The following BAIAP2L1 variants were observed in gnomAD, a reference collection of about 807,000 sequenced individuals.
BAIAP2L1 encodes BAR/IMD domain-containing adapter protein 2-like 1.
In BAIAP2L1, 35 loss-of-function variants were observed where a neutral mutation model predicts 66.3. That is an observed-to-expected ratio of 0.53 (90% CI 0.40 to 0.70). The LOEUF (loss-of-function observed/expected upper bound fraction) is 0.70. BAIAP2L1 is among the 30% of genes least tolerant of loss of function. The pLI is 0.00. For synonymous variants in BAIAP2L1, 269 were observed against 248.7 expected (o/e 1.08, Z -0.77); for missense variants, 622 against 656.9 (o/e 0.95, Z 0.58).
chr7:98,380,040 C>A (rs1467909117), intron 1 of BAIAP2L1, among the ~76,000 whole-genome samples: 2 of 150,932 alleles, frequency 1.3e-5, no homozygotes, highest in Admixed American at 6.6e-5. Flanking sequence ...GCTTAAAATG[C>A]GTGAATTTTA....
At chr7:98,332,382 C>CAAAAAAAAAAAAAAAA (rs55987839) in intron 3 of BAIAP2L1, among the ~76,000 whole-genome samples, 1 of 27,752 alleles carries the variant, frequency 3.6e-5, no homozygotes, top group African/African-American at 1.7e-4. Flanking sequence ...GACTCCATCT[C>CAAAAAAAAAAAAAAAA]AAAAAAAAAA....
intron 1 of BAIAP2L1, among the ~76,000 whole-genome samples, chr7:98,385,248 C>T (rs192349013): frequency 3.0e-3 from 457 of 151,616 alleles, no homozygotes; most frequent in Admixed American, 5.1e-3. Flanking sequence ...GCGGAGGCTG[C>T]AGTGAGCCAA....
At chr7:98,354,971 A>G (rs1460681500) in intron 3 of BAIAP2L1, 71 bp downstream of exon 3, 2 of 1,142,898 alleles carry the variant, frequency 1.7e-6, no homozygotes, top group Admixed American at 3.4e-5. Flanking sequence ...GGACTGGGCC[A>G]TCCCACGCGT....
chr7:98,323,082 G>A (rs1260188923), intron 3 of BAIAP2L1: 1 of 152,190 alleles, frequency 6.6e-6, no homozygotes, highest in Non-Finnish European at 1.5e-5. Flanking sequence ...CAGCACTCAG[G>A]GCTCCACCCT....
intron 3 of BAIAP2L1, among the ~76,000 whole-genome samples, chr7:98,335,212 A>C (rs1801589158): frequency 6.6e-6 from 1 of 151,012 alleles, no homozygotes; most frequent in African/African-American, 2.4e-5. Flanking sequence ...ATGAGCCCTA[A>C]ATCCCAGGTC....
Position 98,400,803 on chromosome 7 carries a change from C to T in BAIAP2L1, c.50G>A (p.Arg17Gln). 1 of 1,548,800 alleles carries T rather than the reference C, an allele frequency of 6.5e-7. No individual in the cohort carries two copies. Among genetic ancestry groups the T allele is most frequent in the Non-Finnish European group, 8.7e-7 (1 of 1,146,092 alleles). The change falls in exon 1 of 14, where the codon CGG (arginine) becomes CAG (glutamine). Residue 17 changes from arginine (R) to glutamine (Q), a missense_variant and splice_region_variant. Arg to Gln is a conservative substitution (Grantham distance 43). Transcript: ENST00000005260. ...EVNRLTESTYRNVMEQFNPGL... is the reference protein window; with the variant it reads ...EVNRLTESTYQNVMEQFNPGL... Reference sequence around the variant, plus strand: ...CTGAGCCCCGGGCCCTGGGCTTACCCGGTAGGTGCTCTCCGTGAGCCGGTT... The same window carrying T: ...CTGAGCCCCGGGCCCTGGGCTTACCTGGTAGGTGCTCTCCGTGAGCCGGTT...
intron 6 of BAIAP2L1, among the ~76,000 whole-genome samples, chr7:98,315,888 A>G (rs1468254799): frequency 6.6e-6 from 1 of 152,184 alleles, no homozygotes; most frequent in Non-Finnish European, 1.5e-5. Context: ...CAGAGATATG[A>G]TCGTGTCCTA....
rs1554341927 is a variant in BAIAP2L1 at position 98,393,175 on chromosome 7, A to ATATACACACATATGTG, written c.51+7626_51+7627insCACATATGTGTGTATA. On this transcript the variant is annotated intron_variant, in intron 1 of 13. Coordinates refer to ENST00000005260, the MANE Select transcript of BAIAP2L1 (RefSeq NM_018842.5). The stretch of plus-strand genomic sequence containing the variant: ...TATATGTACACATATATGTATATAT[A>ATATACACACATATGTG]TACATATATGTGTGTGTTTATATAT... Among the ~76,000 whole-genome samples, 117 of 138,124 alleles carry ATATACACACATATGTG rather than the reference A, an allele frequency of 8.5e-4. 2 individuals carry two copies. Among genetic ancestry groups the ATATACACACATATGTG allele is most frequent in the Admixed American group, 1.9e-3 (26 of 13,632 alleles). 90.6% of individuals were successfully genotyped at this position (138,124 alleles called of 152,430 possible). A position where few individuals can be genotyped will look rare whatever the true frequency, so the allele number is the denominator to read the frequency against.
chr7:98,309,719 C>A (rs1024683094), intron 9 of BAIAP2L1: 1 of 152,350 alleles, frequency 6.6e-6, no homozygotes, highest in Non-Finnish European at 1.5e-5. Flanking sequence ...GCAACCTTCA[C>A]ACCATGGGGG....
intron 3 of BAIAP2L1, among the ~76,000 whole-genome samples, chr7:98,352,363 T>C (rs1052560530): frequency 4.6e-5 from 7 of 152,206 alleles, no homozygotes; most frequent in Non-Finnish European, 1.0e-4. Flanking sequence ...CACAAGTGGC[T>C]GGGCACGGTG....
chr7:98,367,697 G>A (rs948077977), intron 1 of BAIAP2L1, among the ~76,000 whole-genome samples: 4 of 151,920 alleles, frequency 2.6e-5, no homozygotes, highest in Admixed American at 6.6e-5. Context: ...CACCACGCCC[G>A]GCTAATTTTT....
In BAIAP2L1 at chr7:98,306,379, A is replaced by G. The variant is rs958358104; in HGVS notation, c.1241+60T>C. On this transcript the variant is annotated intron_variant, in intron 11 of 13. Transcript: ENST00000005260. ...CGACACAGCTAGATGGTGGTGTGTT[A>G]CAGAAACGACAAGGCAGGGGTTTCT... 9 of 1,590,424 alleles carry G rather than the reference A, an allele frequency of 5.7e-6. No homozygotes were observed. In the East Asian group the frequency reaches 1.8e-4, roughly 32 times the overall value.
chr7:98,373,445 A>G (rs1048780795), intron 1 of BAIAP2L1, among the ~76,000 whole-genome samples: 9 of 152,156 alleles, frequency 5.9e-5, no homozygotes, highest in Admixed American at 5.9e-4. Context: ...AGTTTGCATT[A>G]TCTGTAACTT....
At chr7:98,345,376 G>A (rs1801845870) in intron 3 of BAIAP2L1, among the ~76,000 whole-genome samples, 1 of 151,982 alleles carries the variant, frequency 6.6e-6, no homozygotes, top group Non-Finnish European at 1.5e-5. Flanking sequence ...TTTAAAATGG[G>A]CAAAGGATCT....
rs1364426402 is a variant in BAIAP2L1, at chr7:98,292,367, CCTGT to C, written c.*1150_*1153del. 2.5e-5 allele frequency: 11 copies of C among 433,260 alleles called. No homozygotes were observed. Among genetic ancestry groups the C allele is most frequent in the Middle Eastern group, 6.7e-4 (1 of 1,494 alleles). The allele number at this position is 433,260 out of a possible 1,614,324, so 26.8% of individuals were successfully genotyped here. On this transcript the variant is annotated 3_prime_UTR_variant, in exon 14 of 14. Coordinates refer to ENST00000005260, the MANE Select transcript of BAIAP2L1 (RefSeq NM_018842.5). ...CTCCTGAGTGGCGCCCACCACCACACCTGTCTAATTTTTGTATTTTTAGTAGAGA... is the reference window on the plus strand; with the variant it reads ...CTCCTGAGTGGCGCCCACCACCACACCTAATTTTTGTATTTTTAGTAGAGA...
At chr7:98,391,901 A>G (rs1396290636) in intron 1 of BAIAP2L1, among the ~76,000 whole-genome samples, 1 of 152,096 alleles carries the variant, frequency 6.6e-6, no homozygotes, top group Non-Finnish European at 1.5e-5. Context: ...TTATGGGGAA[A>G]AGTATGCCTA....
At chr7:98,374,703 T>A (rs1457802663) in intron 1 of BAIAP2L1, among the ~76,000 whole-genome samples, 1 of 152,122 alleles carries the variant, frequency 6.6e-6, no homozygotes, top group South Asian at 2.1e-4. Context: ...TCTAATAGCA[T>A]AATGTCGAGC....
intron 1 of BAIAP2L1, chr7:98,385,716 G>T: frequency 1.7e-6 from 2 of 1,210,046 alleles, no homozygotes; most frequent in East Asian, 2.4e-5. Flanking sequence ...ACCCAGCCAG[G>T]AATCAACATT....
intron 9 of BAIAP2L1, chr7:98,309,050 ATC>A (rs1281831396): frequency 6.6e-6 from 1 of 151,726 alleles, no homozygotes; most frequent in Non-Finnish European, 1.5e-5. Context: ...ACAATGCAAG[ATC>A]TCTTTCTGCT....
Sources: allele counts gnomAD v4.1 joint callset (sites outside exome capture counted in the v4.1 genomes callset), GRCh38; gene constraint gnomAD v4.1.1; transcripts MANE v1.5; gene names NCBI Gene and HGNC (gene_info 2026-07-23, HGNC 2026-07-21).